The following KDM3B variants were observed in gnomAD, a reference collection of about 807,000 sequenced individuals.
KDM3B encodes lysine demethylase 3B.
KDM3B carries 10 observed loss-of-function variants against 170.0 expected under a neutral mutation model. That is an observed-to-expected ratio of 0.06 (90% CI 0.04 to 0.10). The LOEUF (loss-of-function observed/expected upper bound fraction) is 0.10. Among genes scored for constraint, KDM3B ranks in the 10% least tolerant of loss-of-function variants. KDM3B has a pLI of 1.00. For synonymous variants in KDM3B, 831 were observed against 834.8 expected (o/e 1.00, Z 0.08); for missense variants, 1,394 against 2,195.2 (o/e 0.64, Z 7.29).
chr5:138,379,700 G>T lies in KDM3B; in HGVS notation c.697G>T (p.Val233Leu), dbSNP rs1305986978. ...DSITRLMEVS[V>L]TESGEIKSVD... ...CATCACTCGTCTTATGGAGGTGTCT[G>T]TAACTGAGGTGAGACTCTGTGTTAT... Residue 233 changes from valine (V) to leucine (L), a missense_variant, in exon 5 of 24, where the codon GTA (valine) becomes TTA (leucine). Coordinates refer to ENST00000314358, the MANE Select transcript of KDM3B (RefSeq NM_016604.4). 6.2e-7 allele frequency: 1 copy of T among 1,613,228 alleles called. No individual in the cohort carries two copies. The highest frequency in any genetic ancestry group is 8.5e-7 in the Non-Finnish European group (1 of 1,179,690).
intron 7 of KDM3B, among the ~76,000 whole-genome samples, chr5:138,388,681 A>T (rs1237524602): frequency 6.8e-6 from 1 of 146,206 alleles, no homozygotes; most frequent in Non-Finnish European, 1.5e-5. Flanking sequence ...GCTTGGTGGC[A>T]TGTGTCTGTA....
At chr5:138,404,587 A>G (rs1196256842) in intron 11 of KDM3B, among the ~76,000 whole-genome samples, 1 of 151,386 alleles carries the variant, frequency 6.6e-6, no homozygotes, top group South Asian at 2.1e-4. Flanking sequence ...AGGTCATGCC[A>G]TTGCACTTCA....
chr5:138,424,191 G>C lies in KDM3B; in HGVS notation c.4089G>C (p.Gln1363His). The C allele has an allele frequency of 1.2e-6, 2 of 1,614,160 alleles. No homozygotes were observed. Among genetic ancestry groups the C allele is most frequent in the East Asian group, 4.5e-5 (2 of 44,874 alleles). The change falls in exon 16 of 24, where the codon CAG becomes CAC. Residue 1363 changes from glutamine to histidine, a missense_variant. Gln to His is a conservative substitution (Grantham distance 24, BLOSUM62 0). Transcript: ENST00000314358. Reference sequence around the variant, plus strand: ...GGGCCTGCAACTTGACTGATACCCAGAAGGAAGTGAAGGAGATGGTGATGG... The same window carrying C: ...GGGCCTGCAACTTGACTGATACCCACAAGGAAGTGAAGGAGATGGTGATGG... ...SKRACNLTDT[Q>H]KEVKEMVMGL...
intron 14 of KDM3B, among the ~76,000 whole-genome samples, 162 bp downstream of exon 14, chr5:138,419,394 G>A (rs776768725): frequency 5.9e-5 from 9 of 152,052 alleles, no homozygotes; most frequent in African/African-American, 1.2e-4. Flanking sequence ...GGTGGCTCAC[G>A]CGTGTAATCC....
At chr5:138,401,293 C>T (rs1219844248) in intron 11 of KDM3B, among the ~76,000 whole-genome samples, 1 of 145,434 alleles carries the variant, frequency 6.9e-6, no homozygotes, top group Non-Finnish European at 1.5e-5. Flanking sequence ...AAAACCAAAA[C>T]ATACACTATT....
chr5:138,378,631 G>A (rs1762054876), intron 4 of KDM3B, among the ~76,000 whole-genome samples: 1 of 151,750 alleles, frequency 6.6e-6, no homozygotes, highest in Non-Finnish European at 1.5e-5. Context: ...AACAGGTAAA[G>A]GTAGAAAAAC....
chr5:138,384,404 A>C (rs923670242), intron 6 of KDM3B, among the ~76,000 whole-genome samples: 2 of 152,076 alleles, frequency 1.3e-5, no homozygotes, highest in Non-Finnish European at 2.9e-5. Context: ...GTTCGAGACC[A>C]GCCTGGCCAA....
At chr5:138,392,548 T>A (rs928497265) in intron 8 of KDM3B, among the ~76,000 whole-genome samples, 1 of 152,228 alleles carries the variant, frequency 6.6e-6, no homozygotes, top group African/African-American at 2.4e-5. Flanking sequence ...GAACTATTTC[T>A]TTGCATTTGT....
chr5:138,422,863 A>G (rs1287572687), intron 15 of KDM3B, among the ~76,000 whole-genome samples: 1 of 152,190 alleles, frequency 6.6e-6, no homozygotes, highest in Admixed American at 6.5e-5. Context: ...CTTGGGTTTT[A>G]TGACTAATGG....
intron 15 of KDM3B, 72 bp from the exon 16 acceptor site, chr5:138,424,003 G>A (rs1763334675): frequency 6.9e-7 from 1 of 1,444,268 alleles, no homozygotes; most frequent in Non-Finnish European, 9.3e-7. Flanking sequence ...GAATACAATT[G>A]TGAGACAGTT....
intron 5 of KDM3B, 133 bp downstream of exon 5, chr5:138,379,841 C>A (rs1379898230): frequency 6.4e-6 from 5 of 778,898 alleles, no homozygotes; most frequent in African/African-American, 1.8e-5. Flanking sequence ...AGTTGTATAA[C>A]CCCTAGAAAG....
intron 23 of KDM3B, among the ~76,000 whole-genome samples, chr5:138,435,142 A>G (rs1321427749): frequency 6.6e-6 from 1 of 152,226 alleles, no homozygotes; most frequent in Non-Finnish European, 1.5e-5. Flanking sequence ...GCACGAAGGG[A>G]AAAAATAGGC....
At chr5:138,395,301 A>T (rs546676855) in intron 9 of KDM3B, among the ~76,000 whole-genome samples, 1 of 152,310 alleles carries the variant, frequency 6.6e-6, no homozygotes, top group Non-Finnish European at 1.5e-5. Context: ...CAGTCCAGGG[A>T]CCAAACTCTG....
At chr5:138,394,306 C>G (rs1021659589) in intron 9 of KDM3B, among the ~76,000 whole-genome samples, 1 of 152,014 alleles carries the variant, frequency 6.6e-6, no homozygotes, top group African/African-American at 2.4e-5. Context: ...CCCAGGAGGT[C>G]AAAGCTGCAT....
intron 3 of KDM3B, among the ~76,000 whole-genome samples, chr5:138,377,113 C>T (rs1421009413): frequency 2.0e-5 from 3 of 152,168 alleles, no homozygotes; most frequent in African/African-American, 7.2e-5. Flanking sequence ...GATATGTCTT[C>T]CTCGCTCGTT....
At chr5:138,365,328 A>G (rs1313483920) in intron 1 of KDM3B, among the ~76,000 whole-genome samples, 1 of 151,938 alleles carries the variant, frequency 6.6e-6, no homozygotes, top group Non-Finnish European at 1.5e-5. Context: ...TGGGGTGATC[A>G]CTCACTGCAA....
chr5:138,416,226 C>G (rs562506071), intron 12 of KDM3B, among the ~76,000 whole-genome samples: 2 of 152,160 alleles, frequency 1.3e-5, no homozygotes, highest in African/African-American at 2.4e-5. Context: ...TTCTGTACTT[C>G]CATTAACATA....
intron 13 of KDM3B, 102 bp from the exon 14 acceptor site, chr5:138,418,851 G>A: frequency 9.0e-7 from 1 of 1,108,778 alleles, no homozygotes; most frequent in Non-Finnish European, 1.3e-6. Flanking sequence ...TTACATGACA[G>A]ATTATTCTTC....
intron 1 of KDM3B, among the ~76,000 whole-genome samples, chr5:138,370,062 T>A (rs1761836261): frequency 6.6e-6 from 1 of 152,208 alleles, no homozygotes; most frequent in Non-Finnish European, 1.5e-5. Flanking sequence ...AATATATCTC[T>A]CTCTTTCCAG....
Sources: gnomAD v4.1 joint callset for allele counts (sites outside exome capture counted in the v4.1 genomes callset) on GRCh38, gnomAD v4.1.1 for gene constraint, MANE v1.5 for transcripts, NCBI Gene and HGNC (gene_info 2026-07-23, HGNC 2026-07-21) for gene names.